CR2: variants seen among roughly 807,000 people sequenced by gnomAD.
CR2 encodes complement receptor type 2.
Under a neutral mutation model 123.0 loss-of-function variants are expected in CR2, and 96 were observed. The ratio of observed to expected loss-of-function variants is 0.78; its 90% CI spans 0.66 to 0.93. The LOEUF is 0.93. CR2 is among the 40% of genes least tolerant of loss of function. CR2 has a pLI of 0.00. For synonymous variants in CR2, 484 were observed against 469.5 expected (o/e 1.03, Z -0.40); for missense variants, 1,258 against 1,361.0 (o/e 0.92, Z 1.19).
At chr1:207,468,460 C>G in intron 2 of CR2, 67 bp from the exon 3 acceptor site, 1 of 1,543,130 alleles carries the variant, frequency 6.5e-7, no homozygotes, top group Non-Finnish European at 8.9e-7. Flanking sequence ...GATTGGACCC[C>G]CTTGATTCTA....
chr1:207,475,393 C>T (rs1158112237), intron 14 of CR2, among the ~76,000 whole-genome samples, 177 bp downstream of exon 14: 1 of 152,180 alleles, frequency 6.6e-6, no homozygotes, highest in African/African-American at 2.4e-5. Context: ...TTTTCTCTTT[C>T]CTTTCTCAGT....
intron 2 of CR2, 141 bp from the exon 3 acceptor site, chr1:207,468,386 A>G: frequency 1.3e-6 from 1 of 742,332 alleles, no homozygotes; most frequent in Non-Finnish European, 2.3e-6. Context: ...CATTAGTGTT[A>G]GCGTATATTA....
chr1:207,470,428 T>A (rs1183184133), intron 6 of CR2, among the ~76,000 whole-genome samples: 4 of 152,082 alleles, frequency 2.6e-5, no homozygotes, highest in African/African-American at 9.7e-5. Context: ...TAGGGATATA[T>A]CAGAATCTCC....
At position 207,479,418 on chromosome 1, in the gene CR2, C is replaced by A. The variant is rs373215429; in HGVS notation, c.3112+138C>A. On this transcript the variant is annotated intron_variant, in intron 17 of 19. Coordinates refer to ENST00000367057, the MANE Select transcript of CR2 (RefSeq NM_001006658.3). ...TCTTTTTGGTGTTTTAAAGATACTT[C>A]AATGTACATGTCACATTACAAAATG... 207 of 659,708 alleles carry A rather than the reference C, an allele frequency of 3.1e-4. No individual in the cohort carries two copies. The African/African-American group carries it at 3.5e-3, about 11-fold the overall frequency. 40.9% of individuals were successfully genotyped at this position (659,708 alleles called of 1,614,324 possible).
At chr1:207,463,483 C>T (rs1214649481) in intron 1 of CR2, among the ~76,000 whole-genome samples, 2 of 152,132 alleles carry the variant, frequency 1.3e-5, no homozygotes, top group Non-Finnish European at 2.9e-5. Context: ...GTGCTACTGA[C>T]CAGGAGCTTG....
In CR2 at chr1:207,473,526, A is replaced by T. The variant is rs370516718; in HGVS notation, c.1979-19A>T. On this transcript the variant is annotated intron_variant, in intron 10 of 19. Coordinates refer to ENST00000367057, the MANE Select transcript of CR2 (RefSeq NM_001006658.3). The stretch of plus-strand genomic sequence containing the variant: ...AATTCCTCTGTGTTGGTATTTATGT[A>T]GGGAGTTTTTCTCTTCAGGCTGCCA... 6.2e-7 allele frequency: 1 copy of T among 1,608,994 alleles called. No individual in the cohort carries two copies. The highest frequency in any genetic ancestry group is 1.1e-5 in the South Asian group (1 of 91,002).
intron 1 of CR2, among the ~76,000 whole-genome samples, chr1:207,462,220 T>G (rs1657984171): frequency 6.6e-6 from 1 of 152,306 alleles, no homozygotes; most frequent in Non-Finnish European, 1.5e-5. Flanking sequence ...ACACTAGTTG[T>G]AAAGGCCAAC....
rs772503117 is a variant in CR2 at position 207,476,255 on chromosome 1, C to T, written c.2738C>T (p.Pro913Leu). 54 of 1,613,648 alleles carry T rather than the reference C, an allele frequency of 3.3e-5. No individual in the cohort carries two copies. The highest frequency in any genetic ancestry group is 2.5e-4 in the Admixed American group (15 of 59,966). ...TAAGCCTTCATAGGGTGTCCACCTC[C>T]GCCTAAGACCCCTAACGGGAACCAT... ...IKKAFIGCPP[P>L]PKTPNGNHTG... The change falls in exon 15 of 20, where the codon CCG (proline) becomes CTG (leucine). Residue 913 changes from proline to leucine, a missense_variant. Pro to Leu is a moderately conservative substitution (Grantham distance 98, BLOSUM62 -3). Coordinates refer to ENST00000367057, the MANE Select transcript of CR2 (RefSeq NM_001006658.3).
At chr1:207,475,379 T>C (rs182284648) in intron 14 of CR2, among the ~76,000 whole-genome samples, 163 bp downstream of exon 14, 2 of 149,432 alleles carry the variant, frequency 1.3e-5, no homozygotes, top group African/African-American at 2.6e-5. Flanking sequence ...CACTTGATTG[T>C]TTGTTTTCTC....
At position 207,473,584 on chromosome 1, in the gene CR2, C is replaced by G. The variant is rs141171306; in HGVS notation, c.2018C>G (p.Thr673Arg). 6.2e-6 allele frequency: 10 copies of G among 1,613,904 alleles called. No homozygotes were observed. Among genetic ancestry groups the G allele is most frequent in the Non-Finnish European group, 8.5e-6 (10 of 1,179,830 alleles). ...CCTGGGCTCCACCATGGTCGTCATA[C>G]AGGTGGAAATACGGTCTTCTTTGTC... ...SPPGLHHGRH[T>R]GGNTVFFVSG... The change falls in exon 11 of 20, where the codon ACA (threonine) becomes AGA (arginine). Residue 673 changes from threonine (T) to arginine (R), a missense_variant. Physicochemically the swap from Thr to Arg is moderately conservative, Grantham distance 71. Coordinates refer to ENST00000367057, the MANE Select transcript of CR2 (RefSeq NM_001006658.3).
intron 18 of CR2, among the ~76,000 whole-genome samples, chr1:207,482,327 G>T (rs1294477934): frequency 6.6e-6 from 1 of 152,040 alleles, no homozygotes; most frequent in Non-Finnish European, 1.5e-5. Flanking sequence ...CTGAACAACT[G>T]CTGGTGCCTT....
chr1:207,469,952 G>C lies in CR2; in HGVS notation c.1075G>C (p.Gly359Arg), dbSNP rs769404342. 2.5e-6 allele frequency: 4 copies of C among 1,613,844 alleles called. No individual in the cohort carries two copies. The highest frequency in any genetic ancestry group is 1.3e-5 in the African/African-American group (1 of 74,876). ...VQCPHPQILR[G>R]RMVSGQKDRY... ...GTGTCCACATCCCCAGATCCTAAGA[G>C]GCCGAATGGTATCTGGGCAGAAAGA... Residue 359 changes from glycine (G) to arginine (R), a missense_variant, in exon 6 of 20, where the codon GGC becomes CGC. By Grantham distance (125) the Gly-to-Arg change is moderately radical. Transcript: ENST00000367057.
intron 18 of CR2, among the ~76,000 whole-genome samples, chr1:207,484,018 A>C (rs1051584789): frequency 1.3e-5 from 2 of 152,200 alleles, no homozygotes; most frequent in Non-Finnish European, 2.9e-5. Context: ...TCTCAAAAAA[A>C]ATTAGGGATG....
intron 19 of CR2, among the ~76,000 whole-genome samples, chr1:207,488,409 A>G (rs1169889915): frequency 6.6e-6 from 1 of 152,154 alleles, no homozygotes; most frequent in Admixed American, 6.5e-5. Context: ...GCAGATCACG[A>G]GTTCAGGAGA....
At chr1:207,480,469 T>C (rs12117916) in intron 18 of CR2, among the ~76,000 whole-genome samples, 29,515 of 152,094 alleles carry the variant, frequency 0.19, 2,924 homozygotes, top group Middle Eastern at 0.26. Context: ...TGTTTTCAGT[T>C]ACTAAATAGC....
chr1:207,486,101 T>C (rs891723007), intron 19 of CR2, among the ~76,000 whole-genome samples: 4 of 151,484 alleles, frequency 2.6e-5, no homozygotes, highest in Admixed American at 1.3e-4. Flanking sequence ...CGTGGTGGTG[T>C]GCACCTGTGG....
Position 207,469,115 on chromosome 1 carries a change from C to T in CR2, c.735-35C>T, listed in dbSNP as rs546816560. 9 of 1,574,250 alleles carry T rather than the reference C, an allele frequency of 5.7e-6. No individual in the cohort carries two copies. The Admixed American group carries it at 1.3e-4, about 23-fold the overall frequency. ...GGCTGCTGTTCTTCAGCACAAACTG[C>T]CTAATAGTTCTGAATGACAACCTTC... On this transcript the variant is annotated intron_variant, in intron 4 of 19. Transcript: ENST00000367057.
chr1:207,465,193 G>A (rs972800651), intron 1 of CR2, among the ~76,000 whole-genome samples: 1 of 152,162 alleles, frequency 6.6e-6, no homozygotes, highest in Non-Finnish European at 1.5e-5. Context: ...GCCTCCCAAA[G>A]TGCTGGGATT....
chr1:207,454,717 G>A lies in CR2; in HGVS notation c.58+241G>A, dbSNP rs1657786412. 2.2e-6 allele frequency: 1 copy of A among 455,562 alleles called. No individual in the cohort carries two copies. The highest frequency in any genetic ancestry group is 3.7e-5 in the East Asian group (1 of 26,898). The allele number at this position is 455,562 out of a possible 1,614,324, so 28.2% of individuals were successfully genotyped here. On this transcript the variant is annotated intron_variant, in intron 1 of 19. Transcript: ENST00000367057. The surrounding 1 kb of genome is among the most constrained non-coding windows in gnomAD (Gnocchi z 4.3). ...GCTGCGCCACAGAGGGGCGCTGTCTGGTCGGCCCGGTGTGGCTGGCGGCGT... is the reference window on the plus strand; with the variant it reads ...GCTGCGCCACAGAGGGGCGCTGTCTAGTCGGCCCGGTGTGGCTGGCGGCGT...
Sources: gnomAD v4.1 joint callset for allele counts (sites outside exome capture counted in the v4.1 genomes callset) on GRCh38, gnomAD v4.1.1 for gene constraint, Gnocchi (gnomAD v3.1) non-coding constraint, MANE v1.5 for transcripts, NCBI Gene and HGNC (gene_info 2026-07-23, HGNC 2026-07-21) for gene names.